Variants in CABLES1 observed in about 807,000 individuals in gnomAD.
CABLES1 encodes the protein Cdk5 and Abl enzyme substrate 1, also known as CDK5 and ABL1 enzyme substrate 1.
A neutral mutation model predicts 57.8 loss-of-function variants in CABLES1; 36 were observed. The ratio of observed to expected loss-of-function variants is 0.62; its 90% CI spans 0.48 to 0.82. The LOEUF is 0.82. CABLES1 is among the 40% of genes least tolerant of loss of function. The pLI, the probability that CABLES1 is intolerant of heterozygous loss-of-function variation, is 0.00. For missense variants in CABLES1, 767 were observed against 836.6 expected (o/e 0.92, Z 1.03); for synonymous variants, 374 against 363.0 (o/e 1.03, Z -0.35).
intron 3 of CABLES1, among the ~76,000 whole-genome samples, 181 bp downstream of exon 3, chr18:23,194,721 A>C (rs549292773): frequency 2.0e-5 from 3 of 152,206 alleles, no homozygotes; most frequent in Non-Finnish European, 4.4e-5. Context: ...ACCAAAAGCA[A>C]TCTGTAGAGA....
intron 1 of CABLES1, among the ~76,000 whole-genome samples, chr18:23,162,882 C>T (rs2047014693): frequency 6.6e-6 from 1 of 152,114 alleles, no homozygotes; most frequent in Non-Finnish European, 1.5e-5. Context: ...GGACTTCATC[C>T]AAGGGTTTGT....
At chr18:23,217,654 CAAATT>C (rs772495559) in intron 4 of CABLES1, among the ~76,000 whole-genome samples, 2 of 152,150 alleles carry the variant, frequency 1.3e-5, no homozygotes, top group African/African-American at 4.8e-5. Context: ...CAACTATGCT[CAAATT>C]AAAATGTACT....
chr18:23,233,361 G>A (rs983488837), intron 4 of CABLES1, among the ~76,000 whole-genome samples: 8 of 152,228 alleles, frequency 5.3e-5, no homozygotes, highest in African/African-American at 1.7e-4. Context: ...GCATCTCCAC[G>A]GCAATGTGAT....
At position 23,237,009 on chromosome 18, in the gene CABLES1, C is replaced by T. The variant is rs1310641255; in HGVS notation, c.1343-133C>T. The T allele has an allele frequency of 3.9e-5, 26 of 659,612 alleles. No homozygotes were observed. The East Asian group carries it at 4.1e-4, about 10-fold the overall frequency. 40.9% of individuals were successfully genotyped at this position (659,612 alleles called of 1,614,324 possible). A position where few individuals can be genotyped will look rare whatever the true frequency, so the allele number is the denominator to read the frequency against. On this transcript the variant is annotated intron_variant, in intron 6 of 9. Transcript: ENST00000256925. ...ATGTCTAATAAAAGTCAGTGAGTGC[C>T]GTGACGTTGAGCTAAGTGCCCTAAA...
intron 1 of CABLES1, among the ~76,000 whole-genome samples, chr18:23,160,907 C>T (rs62093413): frequency 0.12 from 18,224 of 152,164 alleles, 1,430 homozygotes; most frequent in Non-Finnish European, 0.18. Context: ...GTTTCACATG[C>T]CTGTAGTCCC....
intron 1 of CABLES1, among the ~76,000 whole-genome samples, chr18:23,178,756 A>G (rs2047142930): frequency 6.6e-6 from 1 of 152,102 alleles, no homozygotes; most frequent in Non-Finnish European, 1.5e-5. Context: ...TCACACCTTG[A>G]TTTTTCAGGA....
chr18:23,177,489 C>T (rs2047132910), intron 1 of CABLES1, among the ~76,000 whole-genome samples: 1 of 152,116 alleles, frequency 6.6e-6, no homozygotes, highest in Admixed American at 6.5e-5. Context: ...CCAGCCCCGC[C>T]GGTCTATGTG....
chr18:23,252,085 C>CA lies in CABLES1; in HGVS notation c.1447-860dup, dbSNP rs1000418698. Among the ~76,000 whole-genome samples the CA allele has an allele frequency of 5.5e-3, 394 of 72,106 alleles. 4 individuals are homozygous for CA. The highest frequency in any genetic ancestry group is 0.015 in the South Asian group (31 of 2,080). The allele number at this position is 72,106 out of a possible 152,430, so 47.3% of individuals were successfully genotyped here. On this transcript the variant is annotated intron_variant, in intron 7 of 9. Transcript: ENST00000256925. ...TGGGCAACAAAGTGAGACTCCGTCT[C>CA]AAAAAAAAAAAAAAAGACTCCATGC...
chr18:23,246,731 A>G (rs2047904762), intron 7 of CABLES1, among the ~76,000 whole-genome samples: 3 of 151,504 alleles, frequency 2.0e-5, no homozygotes, highest in African/African-American at 4.9e-5. Context: ...TCACTCTGTC[A>G]CCCAGGCTAG....
chr18:23,141,456 C>A (rs892456566), intron 1 of CABLES1, among the ~76,000 whole-genome samples: 1 of 152,176 alleles, frequency 6.6e-6, no homozygotes, highest in African/African-American at 2.4e-5. Context: ...AGTCGCCAGT[C>A]TGTGTGTGTG....
chr18:23,250,600 C>T (rs1457056876), intron 7 of CABLES1, among the ~76,000 whole-genome samples: 1 of 152,218 alleles, frequency 6.6e-6, no homozygotes, highest in Non-Finnish European at 1.5e-5. Context: ...CAGGGGTCCA[C>T]TCTGCTGGAC....
intron 1 of CABLES1, among the ~76,000 whole-genome samples, chr18:23,145,613 A>C (rs1421242388): frequency 6.6e-6 from 1 of 152,228 alleles, no homozygotes. Context: ...AACTTTTCAC[A>C]GATTCTGGGG....
intron 1 of CABLES1, among the ~76,000 whole-genome samples, chr18:23,161,754 C>CAAAAAAAAAAAAAA (rs1184010487): frequency 3.0e-5 from 1 of 33,154 alleles, no homozygotes; most frequent in African/African-American, 7.5e-5. Flanking sequence ...ACTAAAAATC[C>CAAAAAAAAAAAAAA]AAAAAAAAAA....
At chr18:23,256,605 C>T (rs1327686319) in intron 9 of CABLES1, among the ~76,000 whole-genome samples, 2 of 152,104 alleles carry the variant, frequency 1.3e-5, no homozygotes, top group African/African-American at 2.4e-5. Flanking sequence ...TTCAACCTCC[C>T]GAGGAGCTGG....
At position 23,257,347 on chromosome 18, in the gene CABLES1, C is replaced by T. The variant is rs775295506; in HGVS notation, c.1882C>T (p.Arg628Trp). The change falls in exon 10 of 10, where the codon CGG (arginine) becomes TGG (tryptophan). Residue 628 changes from arginine (R) to tryptophan (W), a missense_variant. Transcript: ENST00000256925. ...GCACGAAGTCATGCCCCACTACAGA[C>T]GGCTGGTCCAGAGTTCCTAGCACTG... Reference protein sequence around the residue: ...PEHEVMPHYRRLVQSS With the variant: ...PEHEVMPHYRWLVQSS 21 of 1,610,146 alleles carry T rather than the reference C, an allele frequency of 1.3e-5. No homozygotes were observed. The highest frequency in any genetic ancestry group is 2.2e-5 in the East Asian group (1 of 44,770).
Position 23,141,331 on chromosome 18 carries a change from A to G in CABLES1, c.845+4724A>G, listed in dbSNP as rs552849352. On this transcript the variant is annotated intron_variant, in intron 1 of 9. Transcript: ENST00000256925. ...CAGGCTTGTGCTGTAATTGTAATCT[A>G]TGTCTTGACTGAAAAGAAAAATGTG... Among the ~76,000 whole-genome samples, 44 of 152,294 alleles carry G rather than the reference A, an allele frequency of 2.9e-4. 1 individual carries two copies. In the South Asian group the frequency reaches 8.1e-3, roughly 28 times the overall value.
intron 1 of CABLES1, among the ~76,000 whole-genome samples, chr18:23,150,640 G>A (rs1034271865): frequency 2.0e-5 from 3 of 152,158 alleles, no homozygotes; most frequent in African/African-American, 4.8e-5. Flanking sequence ...TTAGTGGCTC[G>A]TGCTGGCAAT....
chr18:23,188,121 T>C (rs1171541578), intron 1 of CABLES1, among the ~76,000 whole-genome samples: 1 of 152,214 alleles, frequency 6.6e-6, no homozygotes, highest in Non-Finnish European at 1.5e-5. Context: ...CCCTGCTCCC[T>C]GTACCTGATA....
At chr18:23,255,625 TCATAGCTCA>T (rs2048145024) in intron 9 of CABLES1, among the ~76,000 whole-genome samples, 1 of 148,432 alleles carries the variant, frequency 6.7e-6, no homozygotes, top group Non-Finnish European at 1.5e-5. Context: ...AGTGGCACAA[TCATAGCTCA>T]CTGCAGCCTC....
Sources: allele counts gnomAD v4.1 joint callset (sites outside exome capture counted in the v4.1 genomes callset), GRCh38; gene constraint gnomAD v4.1.1; transcripts MANE v1.5; gene names NCBI Gene and HGNC (gene_info 2026-07-23, HGNC 2026-07-21).